Variants in RALGPS1 observed in about 807,000 individuals in gnomAD.
RALGPS1 encodes ras-specific guanine nucleotide-releasing factor RalGPS1.
A neutral mutation model predicts 78.8 loss-of-function variants in RALGPS1; 19 were observed. The observed-to-expected ratio is 0.24, with a 90% CI of 0.17 to 0.35. The LOEUF (loss-of-function observed/expected upper bound fraction) is 0.35, where lower values mean the gene tolerates loss of function less well. Ranked by LOEUF, RALGPS1 falls within the 10% of genes least tolerant of loss-of-function variation. RALGPS1 has a pLI of 1.00. For synonymous variants in RALGPS1, 228 were observed against 256.3 expected (o/e 0.89, Z 1.06); for missense variants, 454 against 688.3 (o/e 0.66, Z 3.81).
rs118083601 is a variant in RALGPS1, at chr9:127,023,276, G to A, written c.217-11155G>A. On this transcript the variant is annotated intron_variant, in intron 4 of 18. Transcript: ENST00000259351. ...GTTGTCCTTTGTGGCCTTGAGTTGTGGTAATTTATGTTCCTGTCTGTCCCT... is the reference window on the plus strand; with the variant it reads ...GTTGTCCTTTGTGGCCTTGAGTTGTAGTAATTTATGTTCCTGTCTGTCCCT... Among the ~76,000 whole-genome samples, 883 of 152,264 alleles carry A rather than the reference G, an allele frequency of 5.8e-3. 6 individuals are homozygous for A. The highest frequency in any genetic ancestry group is 8.6e-3 in the Non-Finnish European group (584 of 68,014).
At chr9:126,941,181 G>T (rs1055666491) in intron 1 of RALGPS1, among the ~76,000 whole-genome samples, 1 of 149,244 alleles carries the variant, frequency 6.7e-6, no homozygotes, top group Non-Finnish European at 1.5e-5. Context: ...GGGGGTTGTT[G>T]GGGAAGGAGG....
intron 10 of RALGPS1, among the ~76,000 whole-genome samples, chr9:127,169,580 A>G (rs1175506118): frequency 6.6e-6 from 1 of 152,160 alleles, no homozygotes; most frequent in African/African-American, 2.4e-5. Flanking sequence ...TATTAAGGCA[A>G]GTCCCAGCCA....
chr9:127,199,720 C>T (rs192685974), intron 14 of RALGPS1, among the ~76,000 whole-genome samples: 3 of 152,242 alleles, frequency 2.0e-5, no homozygotes, highest in East Asian at 1.9e-4. Flanking sequence ...GCCAGGCGCC[C>T]GGTGATCTCT....
At chr9:127,005,634 C>G (rs988996366) in intron 4 of RALGPS1, among the ~76,000 whole-genome samples, 1 of 152,140 alleles carries the variant, frequency 6.6e-6, no homozygotes, top group Non-Finnish European at 1.5e-5. Flanking sequence ...TTCACTGGCT[C>G]TCCAAAGGAT....
chr9:127,092,810 G>A (rs561220863), intron 8 of RALGPS1, among the ~76,000 whole-genome samples: 3 of 152,182 alleles, frequency 2.0e-5, no homozygotes, highest in South Asian at 2.1e-4. Flanking sequence ...GGAGAAAAAA[G>A]CAGAGACACA....
chr9:127,021,461 G>A (rs1342315062), intron 4 of RALGPS1, among the ~76,000 whole-genome samples: 1 of 147,826 alleles, frequency 6.8e-6, no homozygotes, highest in Non-Finnish European at 1.5e-5. Flanking sequence ...TCGCACCATT[G>A]CACTCCAGCC....
At chr9:127,054,986 A>C (rs1317903174) in intron 7 of RALGPS1, among the ~76,000 whole-genome samples, 11 of 143,446 alleles carry the variant, frequency 7.7e-5, no homozygotes, top group Non-Finnish European at 1.5e-5. Flanking sequence ...AAAAAGAGAG[A>C]GAGATTGATT....
chr9:127,068,645 T>G (rs1472367454), intron 7 of RALGPS1, among the ~76,000 whole-genome samples: 1 of 152,184 alleles, frequency 6.6e-6, no homozygotes, highest in Non-Finnish European at 1.5e-5. Context: ...GGAGGGTTCT[T>G]GGCTTTGCCC....
intron 14 of RALGPS1, among the ~76,000 whole-genome samples, chr9:127,202,879 C>T (rs2061715063): frequency 6.6e-6 from 1 of 152,108 alleles, no homozygotes; most frequent in African/African-American, 2.4e-5. Flanking sequence ...ACACTCTGCT[C>T]TCCCAGGGAG....
At chr9:127,056,073 T>A (rs1326531312) in intron 7 of RALGPS1, among the ~76,000 whole-genome samples, 1 of 152,224 alleles carries the variant, frequency 6.6e-6, no homozygotes, top group Non-Finnish European at 1.5e-5. Flanking sequence ...GTTTATACCA[T>A]GGCTTCTGTT....
intron 4 of RALGPS1, among the ~76,000 whole-genome samples, chr9:127,031,877 A>C (rs1036496326): frequency 2.6e-5 from 4 of 152,248 alleles, no homozygotes; most frequent in Non-Finnish European, 4.4e-5. Flanking sequence ...GAAATGTTCA[A>C]ACCAAGTAAA....
chr9:127,100,578 T>C (rs2053621293), intron 8 of RALGPS1, among the ~76,000 whole-genome samples: 1 of 152,178 alleles, frequency 6.6e-6, no homozygotes, highest in African/African-American at 2.4e-5. Context: ...CTGGGGGCAG[T>C]GGCCAGTTGT....
chr9:127,113,606 C>A (rs1005440763), intron 8 of RALGPS1, among the ~76,000 whole-genome samples: 1 of 145,036 alleles, frequency 6.9e-6, no homozygotes, highest in African/African-American at 2.5e-5. Flanking sequence ...CAAAGAAAAG[C>A]AAATCCAACT....
chr9:127,036,878 A>C (rs1312259201), intron 5 of RALGPS1, among the ~76,000 whole-genome samples: 1 of 152,192 alleles, frequency 6.6e-6, no homozygotes, highest in Non-Finnish European at 1.5e-5. Context: ...ACAAATTTGC[A>C]TTTAATTTTA....
intron 4 of RALGPS1, among the ~76,000 whole-genome samples, chr9:127,018,837 G>A (rs2045159842): frequency 6.6e-6 from 1 of 152,022 alleles, no homozygotes; most frequent in African/African-American, 2.4e-5. Flanking sequence ...GTACTGAGTT[G>A]TGCTATAACA....
intron 4 of RALGPS1, among the ~76,000 whole-genome samples, chr9:126,997,652 G>A (rs924272124): frequency 5.9e-5 from 9 of 151,960 alleles, no homozygotes; most frequent in South Asian, 2.1e-4. Context: ...CTTTCTTCAC[G>A]GAATTGGAAA....
At chr9:127,084,235 C>G (rs1482293059) in intron 8 of RALGPS1, among the ~76,000 whole-genome samples, 1 of 152,206 alleles carries the variant, frequency 6.6e-6, no homozygotes, top group African/African-American at 2.4e-5. Context: ...ACGCAGTCCA[C>G]TTCTTCGCTG....
chr9:127,197,234 CTGG>C (rs2061393230), intron 13 of RALGPS1, among the ~76,000 whole-genome samples: 1 of 152,198 alleles, frequency 6.6e-6, no homozygotes, highest in Non-Finnish European at 1.5e-5. Context: ...AGGACTCAGG[CTGG>C]TGTTGAGCTC....
chr9:126,915,796 T>C (rs2034097579), intron 1 of RALGPS1, among the ~76,000 whole-genome samples: 1 of 152,016 alleles, frequency 6.6e-6, no homozygotes, highest in Non-Finnish European at 1.5e-5. Flanking sequence ...GGGGGTTGGT[T>C]GTCATTGGAT....
Sources: gnomAD v4.1 joint callset for allele counts (sites outside exome capture counted in the v4.1 genomes callset) on GRCh38, gnomAD v4.1.1 for gene constraint, MANE v1.5 for transcripts, NCBI Gene and HGNC (gene_info 2026-07-23, HGNC 2026-07-21) for gene names.